Variants in MIB1 observed in about 807,000 individuals in gnomAD.
MIB1 encodes the protein MIB E3 ubiquitin protein ligase 1.
MIB1 carries 278 observed loss-of-function variants against 124.5 expected under a neutral mutation model. The observed-to-expected ratio is 2.23, with a 90% CI of 2.02 to 2.47. MIB1 has a LOEUF of 2.47. Among genes scored for constraint, MIB1 ranks in the 30% most tolerant of loss-of-function variants. The probability of loss-of-function intolerance (pLI) is 0.00; values close to 1 mark genes in which losing one functional copy is unlikely to be tolerated. For missense variants in MIB1, 957 were observed against 1,254.4 expected, an observed-to-expected ratio of 0.76 and a Z score of 3.58; for synonymous variants, 446 against 429.4, an observed-to-expected ratio of 1.04 and a Z score of -0.48.
At chr18:21,743,904 G>A (rs1294575571) in intron 1 of MIB1, among the ~76,000 whole-genome samples, 3 of 152,156 alleles carry the variant, frequency 2.0e-5, no homozygotes, top group South Asian at 2.1e-4. Context: ...TAATATAAAC[G>A]TAGATGTTTT....
chr18:21,765,839 G>T lies in MIB1; in HGVS notation c.297G>T (p.Lys99Asn), dbSNP rs1456723822. Residue 99 changes from lysine to asparagine, a missense_variant, in exon 2 of 21, where the codon AAG becomes AAT. Physicochemically the swap from Lys to Asn is moderately conservative, Grantham distance 94. Transcript: ENST00000261537. ...RQQPIIGIRWKCAECTNYDLC... is the reference protein window; with the variant it reads ...RQQPIIGIRWNCAECTNYDLC... ...AACCAATCATTGGCATTCGATGGAA[G>T]TGTGCAGAGTGTACAAATTATGATT... 6.2e-7 allele frequency: 1 copy of T among 1,614,190 alleles called. No individual in the cohort carries two copies. The highest frequency in any genetic ancestry group is 2.2e-5 in the East Asian group (1 of 44,882).
At chr18:21,770,506 G>A (rs2041212747) in intron 3 of MIB1, among the ~76,000 whole-genome samples, 1 of 152,050 alleles carries the variant, frequency 6.6e-6, no homozygotes, top group African/African-American at 2.4e-5. Flanking sequence ...ATATATTAGA[G>A]ATGGAGTCTT....
rs147125716 is a variant in MIB1 at position 21,745,927 on chromosome 18, G to A, written c.229+4115G>A. Among the ~76,000 whole-genome samples, 229 of 152,108 alleles carry A rather than the reference G, an allele frequency of 1.5e-3. 2 individuals are homozygous for A. The highest frequency in any genetic ancestry group is 5.3e-3 in the African/African-American group (221 of 41,474). ...TCACCATGTTGGCCAGGCTGGTCTCGAACACCTGACCTCAAGTGATCCATA... is the reference window on the plus strand; with the variant it reads ...TCACCATGTTGGCCAGGCTGGTCTCAAACACCTGACCTCAAGTGATCCATA... On this transcript the variant is annotated intron_variant, in intron 1 of 20. Coordinates refer to ENST00000261537, the MANE Select transcript of MIB1 (RefSeq NM_020774.4).
chr18:21,724,727 A>AAAAAT (rs1350936232), intron 1 of MIB1, among the ~76,000 whole-genome samples: 1 of 17,376 alleles, frequency 5.8e-5, no homozygotes, highest in African/African-American at 1.8e-4. Flanking sequence ...AAAAAAAAAA[A>AAAAAT]ATATATATAT....
intron 6 of MIB1, among the ~76,000 whole-genome samples, 170 bp downstream of exon 6, chr18:21,779,855 G>C (rs1412540930): frequency 1.5e-5 from 2 of 130,908 alleles, no homozygotes; most frequent in Admixed American, 8.0e-5. Context: ...CAAATGATAA[G>C]AATTACGTGT....
chr18:21,746,889 A>T (rs1182144721), intron 1 of MIB1, among the ~76,000 whole-genome samples: 1 of 152,158 alleles, frequency 6.6e-6, no homozygotes, highest in African/African-American at 2.4e-5. Flanking sequence ...GATGTTTTGT[A>T]TTCAGTTGAA....
At chr18:21,771,923 C>T (rs531494703) in intron 3 of MIB1, among the ~76,000 whole-genome samples, 30 of 151,746 alleles carry the variant, frequency 2.0e-4, no homozygotes, top group Non-Finnish European at 3.1e-4. Context: ...CCACTTGAAC[C>T]GGGGAGGCGG....
chr18:21,853,283 T>A, intron 18 of MIB1, 65 bp downstream of exon 18: 1 of 1,230,094 alleles, frequency 8.1e-7, no homozygotes. Context: ...AAAAATTATG[T>A]TTTTGAGGGT....
At chr18:21,739,731 G>GCC (rs1228787495), upstream of MIB1, among the ~76,000 whole-genome samples, 24 of 151,590 alleles carry the variant, frequency 1.6e-4, no homozygotes, top group African/African-American at 5.6e-4. Flanking sequence ...GCTCCCCACT[G>GCC]CCCCCCCGCT....
chr18:21,815,025 A>G (rs1412845767), intron 10 of MIB1, among the ~76,000 whole-genome samples: 2 of 102,330 alleles, frequency 2.0e-5, no homozygotes, highest in African/African-American at 1.2e-4. Flanking sequence ...ATATATATAT[A>G]TATATATATA....
upstream of MIB1, among the ~76,000 whole-genome samples, chr18:21,736,795 A>G (rs1473266510): frequency 1.3e-5 from 2 of 152,200 alleles, no homozygotes; most frequent in Non-Finnish European, 2.9e-5. Context: ...AATGAAATAA[A>G]GTGAGAAGAC....
At chr18:21,779,418 A>T (rs560407109) in intron 5 of MIB1, 63 bp from the exon 6 acceptor site, 1 of 1,276,530 alleles carries the variant, frequency 7.8e-7, no homozygotes, top group African/African-American at 1.5e-5. Flanking sequence ...TTTAAAGATA[A>T]TGCAGCTGCC....
upstream of MIB1, among the ~76,000 whole-genome samples, chr18:21,739,764 A>G (rs1402554683): frequency 6.6e-6 from 1 of 151,776 alleles, no homozygotes; most frequent in Admixed American, 6.6e-5. Context: ...AAATACAAAA[A>G]ATTAGCTGGG....
At chr18:21,782,617 G>C (rs1392418426) in intron 6 of MIB1, among the ~76,000 whole-genome samples, 2 of 152,030 alleles carry the variant, frequency 1.3e-5, no homozygotes, top group Non-Finnish European at 2.9e-5. Context: ...TTATTGCATT[G>C]TGGTCAGAAA....
rs2041631372 is a variant in MIB1, at chr18:21,799,927, G to T, written c.1324G>T (p.Gly442Ter). Reference protein sequence around the residue: ...NEELVKAAANGDVAKVEDLLK... With the variant: ...NEELVKAAAN ...AGAATTAGTTAAGGCTGCTGCCAAT[G>T]GAGATGTTGCTAAAGTGGAAGATTT... is the stretch of plus-strand genomic sequence containing the variant. Residue 442 changes from glycine (G) to a stop codon, truncating the protein, a stop_gained, in exon 9 of 21, where the codon GGA becomes TGA. Coordinates refer to ENST00000261537, the MANE Select transcript of MIB1 (RefSeq NM_020774.4). LOFTEE classifies it high-confidence loss of function. The T allele has an allele frequency of 6.2e-7, 1 of 1,612,258 alleles. No homozygotes were observed. Among genetic ancestry groups the T allele is most frequent in the African/African-American group, 1.3e-5 (1 of 74,860 alleles).
intron 1 of MIB1, among the ~76,000 whole-genome samples, chr18:21,756,036 G>A (rs1294429073): frequency 2.6e-5 from 4 of 152,146 alleles, no homozygotes; most frequent in Non-Finnish European, 5.9e-5. Flanking sequence ...ACATCATGGT[G>A]CCTTACTCAT....
At chr18:21,776,313 G>T (rs2041286086) in intron 4 of MIB1, among the ~76,000 whole-genome samples, 1 of 151,508 alleles carries the variant, frequency 6.6e-6, no homozygotes, top group Non-Finnish European at 1.5e-5. Context: ...TGACACCTAT[G>T]TCTCTTTGGC....
chr18:21,765,689 G>A, intron 1 of MIB1, 83 bp from the exon 2 acceptor site: 1 of 1,339,824 alleles, frequency 7.5e-7, no homozygotes, highest in South Asian at 1.4e-5. Context: ...AAAATGTTCT[G>A]TTCTTATTTT....
At chr18:21,823,211 G>A (rs1214772632) in intron 12 of MIB1, among the ~76,000 whole-genome samples, 1 of 145,068 alleles carries the variant, frequency 6.9e-6, no homozygotes, top group Non-Finnish European at 1.5e-5. Flanking sequence ...TCTAGTCTGG[G>A]TTACAGATCA....
Sources: allele counts gnomAD v4.1 joint callset (sites outside exome capture counted in the v4.1 genomes callset), GRCh38; gene constraint gnomAD v4.1.1; transcripts MANE v1.5; gene names NCBI Gene and HGNC (gene_info 2026-07-23, HGNC 2026-07-21).